The following NUDT1 variants were observed in gnomAD, a reference collection of about 807,000 sequenced individuals.
NUDT1 encodes the protein oxidized purine nucleoside triphosphate hydrolase.
Under a neutral mutation model 11.3 loss-of-function variants are expected in NUDT1, and 16 were observed. The ratio of observed to expected loss-of-function variants is 1.41; its 90% CI spans 0.96 to 2.15. The LOEUF is 2.15. NUDT1 is among the 30% of genes most tolerant of loss of function. The pLI is 0.00. For synonymous variants in NUDT1, 101 were observed against 84.4 expected, an observed-to-expected ratio of 1.20 and a Z score of -1.08; for missense variants, 234 against 208.4, an observed-to-expected ratio of 1.12 and a Z score of -0.76.
chr7:2,246,001 G>A (rs372594786), intron 2 of NUDT1, among the ~76,000 whole-genome samples: 2 of 152,164 alleles, frequency 1.3e-5, no homozygotes, highest in African/African-American at 2.4e-5. Context: ...GTGCCAGTGC[G>A]ACAGGCTCTG....
intron 2 of NUDT1, 131 bp from the exon 3 acceptor site, chr7:2,249,726 C>A: frequency 9.0e-7 from 1 of 1,115,362 alleles, no homozygotes. Flanking sequence ...AGGGGACATC[C>A]TCCTGGGTCT....
intron 2 of NUDT1, among the ~76,000 whole-genome samples, chr7:2,247,499 A>G (rs1419223371): frequency 6.6e-6 from 1 of 152,110 alleles, no homozygotes; most frequent in Non-Finnish European, 1.5e-5. Flanking sequence ...CTGGTCCCCA[A>G]AGACTAGCGA....
In NUDT1 at chr7:2,250,845, G is replaced by A. The variant is rs1213172055; in HGVS notation, c.315G>A (p.Trp105Ter). The change falls in exon 4 of 4, where the codon TGG (tryptophan) becomes TGA (stop). Residue 105 changes from tryptophan (W) to a stop codon, truncating the protein, a stop_gained. Transcript: ENST00000356714. LOFTEE classifies it high-confidence loss of function. ...TTGGTACAGAAATGCGCCCATGCTG[G>A]TTCCAGCTGGATCAGATCCCCTTCA... is the stretch of plus-strand genomic sequence containing the variant. ...PVESDEMRPC[W>*]FQLDQIPFKD... 6.2e-7 allele frequency: 1 copy of A among 1,614,176 alleles called. No individual in the cohort carries two copies. The highest frequency in any genetic ancestry group is 8.5e-7 in the Non-Finnish European group (1 of 1,180,020).
rs975263345 is a variant in NUDT1 at position 2,251,063 on chromosome 7, C to T, written c.*62C>T. On this transcript the variant is annotated 3_prime_UTR_variant, in exon 4 of 4. Coordinates refer to ENST00000356714, the MANE Select transcript of NUDT1 (RefSeq NM_002452.4). Reference sequence around the variant, plus strand: ...CTGCTGAACAGCCGCAAACCATCTTCACCTGGGGGCATTGAGTGGCGCAGA... The same window carrying T: ...CTGCTGAACAGCCGCAAACCATCTTTACCTGGGGGCATTGAGTGGCGCAGA... 1 of 1,548,502 alleles carries T rather than the reference C, an allele frequency of 6.5e-7. No individual in the cohort carries two copies. Among genetic ancestry groups the T allele is most frequent in the Non-Finnish European group, 8.9e-7 (1 of 1,123,368 alleles).
chr7:2,243,570 C>G (rs1287300445), intron 1 of NUDT1, among the ~76,000 whole-genome samples: 4 of 152,058 alleles, frequency 2.6e-5, no homozygotes, highest in African/African-American at 9.7e-5. Context: ...CTCAGGAGTT[C>G]GTGACCAGCC....
intron 2 of NUDT1, among the ~76,000 whole-genome samples, chr7:2,245,304 C>T (rs749767603): frequency 2.0e-5 from 3 of 152,154 alleles, no homozygotes; most frequent in Non-Finnish European, 4.4e-5. Context: ...GTGTAAACAT[C>T]GCTGCACAGA....
At chr7:2,248,509 C>A (rs534825446) in intron 2 of NUDT1, among the ~76,000 whole-genome samples, 2 of 148,164 alleles carry the variant, frequency 1.3e-5, no homozygotes, top group Admixed American at 6.7e-5. Flanking sequence ...TCCTTTCTTG[C>A]GTGGAAAGCC....
chr7:2,245,716 G>A (rs1052199679), intron 2 of NUDT1, among the ~76,000 whole-genome samples: 3 of 152,022 alleles, frequency 2.0e-5, no homozygotes, highest in Non-Finnish European at 2.9e-5. Context: ...ATGCCACCAC[G>A]CTCAGTTCGT....
chr7:2,246,472 G>T (rs1446115546), intron 2 of NUDT1, among the ~76,000 whole-genome samples: 1 of 152,264 alleles, frequency 6.6e-6, no homozygotes, highest in Non-Finnish European at 1.5e-5. Flanking sequence ...CAGCTGTGCA[G>T]AGAAGTGGTG....
rs1794925470 is a variant in NUDT1, at chr7:2,250,070, C to T, written c.298+68C>T. The T allele has an allele frequency of 2.5e-6, 4 of 1,593,296 alleles. No individual in the cohort carries two copies. In the Admixed American group the frequency reaches 6.7e-5, roughly 27 times the overall value. On this transcript the variant is annotated intron_variant, in intron 3 of 3. Transcript: ENST00000356714. ...CCCATCTCCTGGCTGGGAGAAAGGC[C>T]ATCCGCCCAAACCATCTCTGAGTGC...
intron 2 of NUDT1, 48 bp downstream of exon 2, chr7:2,244,774 A>C: frequency 6.3e-7 from 1 of 1,577,040 alleles, no homozygotes; most frequent in Non-Finnish European, 8.6e-7. Context: ...CCCAGGGCAC[A>C]GGGATTCGGG....
intron 2 of NUDT1, among the ~76,000 whole-genome samples, chr7:2,247,530 C>T (rs1436601421): frequency 2.0e-5 from 3 of 152,214 alleles, no homozygotes; most frequent in African/African-American, 7.2e-5. Flanking sequence ...ACAGGAGCAG[C>T]GATGGGAAGC....
At chr7:2,244,158 G>C (rs1290856351) in intron 1 of NUDT1, among the ~76,000 whole-genome samples, 1 of 152,208 alleles carries the variant, frequency 6.6e-6, no homozygotes, top group Non-Finnish European at 1.5e-5. Flanking sequence ...TAAACTGCGT[G>C]GTTATTTTGG....
intron 3 of NUDT1, among the ~76,000 whole-genome samples, chr7:2,250,243 TATAAACGATC>T (rs1794936058): frequency 6.6e-6 from 1 of 152,122 alleles, no homozygotes; most frequent in South Asian, 2.1e-4. Context: ...GAGGATGAAA[TATAAACGATC>T]GTCAGGTTCC....
chr7:2,249,999 G>A lies in NUDT1; in HGVS notation c.295G>A (p.Asp99Asn), dbSNP rs766618604. Residue 99 changes from aspartate (D) to asparagine (N), a missense_variant, in exon 3 of 4, where the codon GAC becomes AAC. By Grantham distance (23) the Asp-to-Asn change is conservative. Coordinates refer to ENST00000356714, the MANE Select transcript of NUDT1 (RefSeq NM_002452.4). ...DSIQGTPVES[D>N]EMRPCWFQLD... ...CATCCAGGGGACCCCCGTGGAGAGCGACGGTGAGTCTCACAGGGCCTGCTC... is the reference window on the plus strand; with the variant it reads ...CATCCAGGGGACCCCCGTGGAGAGCAACGGTGAGTCTCACAGGGCCTGCTC... The A allele has an allele frequency of 4.6e-5, 75 of 1,613,680 alleles. No homozygotes were observed. The highest frequency in any genetic ancestry group is 1.6e-4 in the Middle Eastern group (1 of 6,084).
Position 2,250,733 on chromosome 7 carries a change from C to T in NUDT1, c.299-96C>T, listed in dbSNP as rs933812033. ...TCGGCCTCCCAAAGTGCTGGGATTA[C>T]AGGCGTGAGCCACCGCGCCCGGCCA... On this transcript the variant is annotated intron_variant, in intron 3 of 3. Coordinates refer to ENST00000356714, the MANE Select transcript of NUDT1 (RefSeq NM_002452.4). The T allele has an allele frequency of 3.4e-5, 42 of 1,223,318 alleles. 1 individual carries two copies. The East Asian group carries it at 1.0e-3, about 30-fold the overall frequency. The allele number at this position is 1,223,318 out of a possible 1,614,324, so 75.8% of individuals were successfully genotyped here.
rs539198212 is a variant in NUDT1, at chr7:2,245,972, C to T, written c.152+1246C>T. Among the ~76,000 whole-genome samples the T allele has an allele frequency of 5.9e-5, 9 of 152,256 alleles. No individual in the cohort carries two copies. The South Asian group carries it at 6.2e-4, about 11-fold the overall frequency. On this transcript the variant is annotated intron_variant, in intron 2 of 3. Coordinates refer to ENST00000356714, the MANE Select transcript of NUDT1 (RefSeq NM_002452.4). ...CAGACCGCAGCCACACGGACACGTT[C>T]GATCAGTCACTGTGGCAGGTGCCAG...
intron 1 of NUDT1, 156 bp downstream of exon 1, chr7:2,242,412 C>G: frequency 2.2e-6 from 1 of 462,322 alleles, no homozygotes; most frequent in Non-Finnish European, 3.8e-6. Context: ...GTCGGGGGCT[C>G]GAGGGAGACG....
chr7:2,250,660 G>C (rs34750471), intron 3 of NUDT1, among the ~76,000 whole-genome samples, 169 bp from the exon 4 acceptor site: 2 of 132,550 alleles, frequency 1.5e-5, no homozygotes, highest in Non-Finnish European at 3.4e-5. Context: ...GGGTTTCACC[G>C]TGTTAGCCAG....
Sources: gnomAD v4.1 joint callset for allele counts (sites outside exome capture counted in the v4.1 genomes callset) on GRCh38, gnomAD v4.1.1 for gene constraint, MANE v1.5 for transcripts, NCBI Gene and HGNC (gene_info 2026-07-23, HGNC 2026-07-21) for gene names.